COL8A1: variants seen among roughly 807,000 people sequenced by gnomAD.
COL8A1 encodes the protein collagen type VIII alpha 1 chain.
A neutral mutation model predicts 42.7 loss-of-function variants in COL8A1; 21 were observed. The ratio of observed to expected loss-of-function variants is 0.49; its 90% CI spans 0.35 to 0.71. COL8A1 has a LOEUF of 0.71. Ranked by LOEUF, COL8A1 falls within the 30% of genes least tolerant of loss-of-function variation. The pLI is 0.01. For missense variants in COL8A1, 788 were observed against 962.4 expected (o/e 0.82, Z 2.40); for synonymous variants, 367 against 369.1 (o/e 0.99, Z 0.06).
chr3:99,643,290 A>G (rs1937546620), intron 1 of COL8A1, among the ~76,000 whole-genome samples: 1 of 152,188 alleles, frequency 6.6e-6, no homozygotes. Flanking sequence ...TTTGGACTAC[A>G]GCTATACCTC....
At chr3:99,701,779 G>A (rs944697476) in intron 1 of COL8A1, among the ~76,000 whole-genome samples, 4 of 151,990 alleles carry the variant, frequency 2.6e-5, no homozygotes, top group Non-Finnish European at 5.9e-5. Flanking sequence ...GCCTTTTCAG[G>A]GAAATATTAA....
intron 1 of COL8A1, among the ~76,000 whole-genome samples, chr3:99,732,669 T>C (rs1940552340): frequency 6.6e-6 from 1 of 151,966 alleles, no homozygotes; most frequent in Admixed American, 6.6e-5. Context: ...CCAAACCATA[T>C]CATTCTGCCC....
chr3:99,717,094 G>A (rs1007907449), intron 1 of COL8A1, among the ~76,000 whole-genome samples: 2 of 151,950 alleles, frequency 1.3e-5, no homozygotes, highest in Non-Finnish European at 2.9e-5. Flanking sequence ...TCCTGGAACC[G>A]AATCTCAGTC....
Position 99,794,913 on chromosome 3 carries a change from C to T in COL8A1, c.1012C>T (p.Leu338=), listed in dbSNP as rs9851406. The T allele has an allele frequency of 8.9e-4, 1,429 of 1,599,146 alleles. 10 individuals carry two copies. In the African/African-American group the frequency reaches 0.017, roughly 19 times the overall value. ...GFPGGKGEQG[L]PGLPGPPGLP... is the part of the protein sequence containing the mutation. ...TCCAGGTGGCAAAGGGGAGCAAGGACTGCCAGGGCTACCAGGACCCCCAGG... is the reference window on the plus strand; with the variant it reads ...TCCAGGTGGCAAAGGGGAGCAAGGATTGCCAGGGCTACCAGGACCCCCAGG... Residue 338 remains leucine, a synonymous_variant, in exon 4 of 4, where the codon CTG becomes TTG. Transcript: ENST00000652472. The surrounding 1 kb of genome is among the most constrained non-coding windows in gnomAD (Gnocchi z 4.3).
chr3:99,744,534 T>TA (rs1327308683), intron 1 of COL8A1, among the ~76,000 whole-genome samples: 1 of 152,242 alleles, frequency 6.6e-6, no homozygotes, highest in Non-Finnish European at 1.5e-5. Flanking sequence ...ATGTATTGTT[T>TA]AAAAAGTTGA....
Position 99,790,666 on chromosome 3 carries a change from G to T in COL8A1, c.-3-14G>T. The stretch of plus-strand genomic sequence containing the variant: ...CAGAGTTTCACCAAGTTGGTGCATT[G>T]GTTCCTCCCACAGGTGATGGCTGTG... On this transcript the variant is annotated splice_polypyrimidine_tract_variant and intron_variant, in intron 2 of 3. Transcript: ENST00000652472. The T allele has an allele frequency of 6.2e-7, 1 of 1,607,960 alleles. No individual in the cohort carries two copies. The highest frequency in any genetic ancestry group is 1.1e-5 in the South Asian group (1 of 90,726).
At chr3:99,658,605 T>C (rs1190915505) in intron 1 of COL8A1, among the ~76,000 whole-genome samples, 1 of 152,166 alleles carries the variant, frequency 6.6e-6, no homozygotes, top group Admixed American at 6.5e-5. Context: ...TGAAACCAAG[T>C]GCAGGTACTC....
intron 1 of COL8A1, among the ~76,000 whole-genome samples, chr3:99,647,891 T>C (rs1937699199): frequency 6.6e-6 from 1 of 152,180 alleles, no homozygotes; most frequent in Non-Finnish European, 1.5e-5. Context: ...ACTATTTCTC[T>C]TAGGACATTA....
intron 1 of COL8A1, among the ~76,000 whole-genome samples, chr3:99,702,820 G>A (rs1026376721): frequency 6.6e-6 from 1 of 152,162 alleles, no homozygotes; most frequent in Non-Finnish European, 1.5e-5. Context: ...GTGCTGTGGA[G>A]AAAAATATAG....
At chr3:99,674,279 C>G (rs1191105294) in intron 1 of COL8A1, among the ~76,000 whole-genome samples, 1 of 151,932 alleles carries the variant, frequency 6.6e-6, no homozygotes, top group African/African-American at 2.4e-5. Flanking sequence ...TCATACCTCC[C>G]TGCTGGTCCT....
At chr3:99,661,324 A>G (rs1226857574) in intron 1 of COL8A1, among the ~76,000 whole-genome samples, 1 of 152,232 alleles carries the variant, frequency 6.6e-6, no homozygotes, top group African/African-American at 2.4e-5. Context: ...TCCAAAGAAG[A>G]TATACAAATG....
At chr3:99,772,672 T>C (rs974357480) in intron 2 of COL8A1, among the ~76,000 whole-genome samples, 2 of 152,088 alleles carry the variant, frequency 1.3e-5, no homozygotes, top group Non-Finnish European at 2.9e-5. Flanking sequence ...GAAATAAAAT[T>C]AGATCTTATT....
chr3:99,665,761 A>C (rs1938349657), intron 1 of COL8A1, among the ~76,000 whole-genome samples: 1 of 143,528 alleles, frequency 7.0e-6, no homozygotes, highest in Admixed American at 7.5e-5. Context: ...GGCTCACTGC[A>C]ACCTCCGCCT....
At chr3:99,701,848 CAT>C (rs1281883040) in intron 1 of COL8A1, among the ~76,000 whole-genome samples, 3 of 152,162 alleles carry the variant, frequency 2.0e-5, no homozygotes, top group Non-Finnish European at 4.4e-5. Flanking sequence ...GCTCTTTTCA[CAT>C]AGTTATAATA....
intron 1 of COL8A1, among the ~76,000 whole-genome samples, chr3:99,639,868 G>T (rs186369453): frequency 1.4e-3 from 207 of 152,172 alleles, no homozygotes; most frequent in African/African-American, 4.6e-3. Flanking sequence ...TAGCCCTTAA[G>T]GTTCTTAAAG....
chr3:99,734,025 G>A (rs1334925403), intron 1 of COL8A1, among the ~76,000 whole-genome samples: 23 of 151,986 alleles, frequency 1.5e-4, no homozygotes, highest in Non-Finnish European at 4.4e-5. Context: ...ATTTGTTTGA[G>A]TTCATTGTAG....
chr3:99,796,292 A>G lies in COL8A1; in HGVS notation c.*156A>G, dbSNP rs1326114497. The G allele has an allele frequency of 1.8e-6, 1 of 570,404 alleles. No homozygotes were observed. Among genetic ancestry groups the G allele is most frequent in the Non-Finnish European group, 2.9e-6 (1 of 342,296 alleles). The allele number at this position is 570,404 out of a possible 1,614,324, so 35.3% of individuals were successfully genotyped here. A position where few individuals can be genotyped will look rare whatever the true frequency, so the allele number is the denominator to read the frequency against. On this transcript the variant is annotated 3_prime_UTR_variant, in exon 4 of 4. Transcript: ENST00000652472. ...TTTGGACCATTGTGTACAAATAAAA[A>G]CTAAGATGCATGTTTAATACTCCAC...
intron 1 of COL8A1, among the ~76,000 whole-genome samples, chr3:99,697,836 C>A (rs1287089375): frequency 6.6e-6 from 1 of 152,088 alleles, no homozygotes; most frequent in Non-Finnish European, 1.5e-5. Flanking sequence ...TTTAATAATA[C>A]TTTAAGTTCT....
intron 1 of COL8A1, among the ~76,000 whole-genome samples, chr3:99,717,139 C>T (rs373054501): frequency 3.3e-5 from 5 of 151,768 alleles, no homozygotes; most frequent in African/African-American, 1.2e-4. Context: ...TTAAGAAAGT[C>T]GTAATATCTC....
Sources: allele counts gnomAD v4.1 joint callset (sites outside exome capture counted in the v4.1 genomes callset), GRCh38; gene constraint gnomAD v4.1.1; non-coding constraint Gnocchi (gnomAD v3.1); transcripts MANE v1.5; gene names NCBI Gene and HGNC (gene_info 2026-07-23, HGNC 2026-07-21).